ANKRD44: variants seen among roughly 807,000 people sequenced by gnomAD.
The protein encoded by ANKRD44 is serine/threonine-protein phosphatase 6 regulatory ankyrin repeat subunit B.
In ANKRD44, 35 loss-of-function variants were observed where a neutral mutation model predicts 116.0. That is an observed-to-expected ratio of 0.30 (90% CI 0.23 to 0.40). The LOEUF (loss-of-function observed/expected upper bound fraction) is 0.40. Ranked by LOEUF, ANKRD44 falls within the 10% of genes least tolerant of loss-of-function variation. The probability of loss-of-function intolerance (pLI) is 1.00; values close to 1 mark genes in which losing one functional copy is unlikely to be tolerated. For missense variants in ANKRD44, 1,014 were observed against 1,242.6 expected (o/e 0.82, Z 2.77); for synonymous variants, 435 against 461.8 (o/e 0.94, Z 0.74).
Position 197,074,366 on chromosome 2 carries a change from A to G in ANKRD44, c.1650+4337T>C, listed in dbSNP as rs973463513. On this transcript the variant is annotated intron_variant, in intron 16 of 27. Transcript: ENST00000282272. ...TGGGGTTCAAATTTACTGATTTTTC[A>G]TTTTCTTGTCCTTAGATGACCACCC... 2.0e-5 allele frequency among the ~76,000 whole-genome samples: 3 copies of G among 149,618 alleles called. No homozygotes were observed. In the Admixed American group the frequency reaches 2.0e-4, roughly 10 times the overall value.
At chr2:196,973,361 T>A (rs1461377048) in intron 21 of ANKRD44, among the ~76,000 whole-genome samples, 1 of 152,156 alleles carries the variant, frequency 6.6e-6, no homozygotes, top group Non-Finnish European at 1.5e-5. Flanking sequence ...ATCATTTTTA[T>A]TAAAAATATT....
intron 2 of ANKRD44, among the ~76,000 whole-genome samples, chr2:197,175,207 AG>A (rs757321134): frequency 5.9e-5 from 9 of 152,174 alleles, no homozygotes; most frequent in Non-Finnish European, 7.3e-5. Context: ...TATTTCTTTA[AG>A]TGTTCTTACA....
Position 197,203,762 on chromosome 2 carries a change from A to C in ANKRD44, c.28-16656T>G, listed in dbSNP as rs908267064. Among the ~76,000 whole-genome samples, 10 of 151,458 alleles carry C rather than the reference A, an allele frequency of 6.6e-5. No homozygotes were observed. Among genetic ancestry groups the C allele is most frequent in the African/African-American group, 2.5e-4 (10 of 40,746 alleles). On this transcript the variant is annotated intron_variant, in intron 1 of 27. Transcript: ENST00000282272. This position sits in a 1 kb window ranked among gnomAD's most constrained non-coding sequence, Gnocchi z 4.1. ...GATAAACCAAATGTGGTACAGCCGTAGAGTAAAATATTACTCAGCCATGAA... is the reference window on the plus strand; with the variant it reads ...GATAAACCAAATGTGGTACAGCCGTCGAGTAAAATATTACTCAGCCATGAA...
intron 2 of ANKRD44, among the ~76,000 whole-genome samples, chr2:197,166,668 A>AGGGGTAGGAAC (rs1418846055): frequency 1.1e-4 from 2 of 17,886 alleles, no homozygotes; most frequent in South Asian, 0.056. Flanking sequence ...TATGCTCAGA[A>AGGGGTAGGAAC]TGGGATATCC....
At chr2:197,289,206 C>A (rs147577404) in intron 1 of ANKRD44, among the ~76,000 whole-genome samples, 116 of 152,092 alleles carry the variant, frequency 7.6e-4, no homozygotes, top group African/African-American at 2.7e-3. Context: ...AGAAAAAATA[C>A]CAAAAAACTC....
chr2:197,164,160 A>G (rs1473907409), intron 2 of ANKRD44, among the ~76,000 whole-genome samples: 1 of 152,210 alleles, frequency 6.6e-6, no homozygotes, highest in Non-Finnish European at 1.5e-5. Context: ...TTGGTGGGGA[A>G]GTTCCATTCC....
At position 196,987,090 on chromosome 2, in the gene ANKRD44, T is replaced by A; in HGVS notation, c.*2501A>T. 2 of 984,912 alleles carry A rather than the reference T, an allele frequency of 2.0e-6. No individual in the cohort carries two copies. The highest frequency in any genetic ancestry group is 9.4e-5 in the South Asian group (2 of 21,280). 61.0% of individuals were successfully genotyped at this position (984,912 alleles called of 1,614,324 possible). A position where few individuals can be genotyped will look rare whatever the true frequency, so the allele number is the denominator to read the frequency against. The stretch of plus-strand genomic sequence containing the variant: ...AAGATATTTGCATTGAATTTTTAGA[T>A]CACATAAGAAACGCATAGAATTACA... On this transcript the variant is annotated 3_prime_UTR_variant, in exon 28 of 28. Coordinates refer to ENST00000282272, the MANE Select transcript of ANKRD44 (RefSeq NM_001195144.2).
chr2:197,195,811 A>G (rs1310243884), intron 1 of ANKRD44, among the ~76,000 whole-genome samples: 1 of 152,254 alleles, frequency 6.6e-6, no homozygotes, highest in Non-Finnish European at 1.5e-5. Context: ...AGAAAGGCAA[A>G]TCAAAACAAG....
At chr2:197,031,771 T>C (rs1471069837) in intron 16 of ANKRD44, among the ~76,000 whole-genome samples, 1 of 152,192 alleles carries the variant, frequency 6.6e-6, no homozygotes, top group African/African-American at 2.4e-5. Flanking sequence ...TGAGACACTT[T>C]GTGTTTGTTT....
intron 16 of ANKRD44, among the ~76,000 whole-genome samples, chr2:197,043,865 T>C (rs2124970245): frequency 6.6e-6 from 1 of 152,296 alleles, no homozygotes; most frequent in East Asian, 1.9e-4. Context: ...TCACTCTTGA[T>C]TGCCAAATTC....
intron 10 of ANKRD44, among the ~76,000 whole-genome samples, chr2:197,095,274 A>C (rs907692925): frequency 5.9e-5 from 9 of 152,236 alleles, no homozygotes; most frequent in Non-Finnish European, 4.4e-5. Context: ...ACTGAGGATC[A>C]CATTGGTGTT....
At chr2:197,082,147 A>C (rs1049365837) in intron 14 of ANKRD44, among the ~76,000 whole-genome samples, 1 of 152,192 alleles carries the variant, frequency 6.6e-6, no homozygotes, top group Admixed American at 6.5e-5. Context: ...ACAATTCTTC[A>C]TCATCCAGAA....
At chr2:197,056,560 C>A (rs956129174) in intron 16 of ANKRD44, among the ~76,000 whole-genome samples, 1 of 151,900 alleles carries the variant, frequency 6.6e-6, no homozygotes, top group African/African-American at 2.4e-5. Flanking sequence ...AGAATATTAA[C>A]CTTGTATATG....
intron 4 of ANKRD44, among the ~76,000 whole-genome samples, chr2:197,130,024 T>C (rs1286808094): frequency 6.6e-6 from 1 of 152,218 alleles, no homozygotes; most frequent in African/African-American, 2.4e-5. Context: ...GTAGAATAAA[T>C]ACATTGCTGT....
intron 9 of ANKRD44, among the ~76,000 whole-genome samples, chr2:197,102,285 T>C (rs968738517): frequency 1.3e-4 from 20 of 152,238 alleles, no homozygotes; most frequent in African/African-American, 4.1e-4. Context: ...TAATCTCATA[T>C]GTATGTTGCT....
intron 3 of ANKRD44, among the ~76,000 whole-genome samples, chr2:197,139,648 G>GATATAT (rs58422226): frequency 6.6e-6 from 1 of 151,190 alleles, no homozygotes; most frequent in South Asian, 2.1e-4. Context: ...TATAGATATA[G>GATATAT]ATATATATAT....
intron 1 of ANKRD44, among the ~76,000 whole-genome samples, chr2:197,223,173 A>C (rs1265394092): frequency 6.6e-6 from 1 of 152,142 alleles, no homozygotes; most frequent in Non-Finnish European, 1.5e-5. Flanking sequence ...TTTAGATAAT[A>C]ATGTTACAGG....
intron 1 of ANKRD44, among the ~76,000 whole-genome samples, chr2:197,289,341 A>G (rs1305554383): frequency 6.6e-6 from 1 of 152,220 alleles, no homozygotes; most frequent in Non-Finnish European, 1.5e-5. Flanking sequence ...TGGTACGACC[A>G]CTTTGAAAAA....
intron 17 of ANKRD44, among the ~76,000 whole-genome samples, chr2:197,019,173 G>T (rs1014430517): frequency 6.6e-6 from 1 of 152,202 alleles, no homozygotes; most frequent in Non-Finnish European, 1.5e-5. Flanking sequence ...AAATGCAGTG[G>T]CTTGAGCGGA....
Sources: gnomAD v4.1 joint callset for allele counts (sites outside exome capture counted in the v4.1 genomes callset) on GRCh38, gnomAD v4.1.1 for gene constraint, Gnocchi (gnomAD v3.1) non-coding constraint, MANE v1.5 for transcripts, NCBI Gene and HGNC (gene_info 2026-07-23, HGNC 2026-07-21) for gene names.